PUM1: variants seen among roughly 807,000 people sequenced by gnomAD.
PUM1 encodes the protein pumilio homolog 1.
PUM1 carries 13 observed loss-of-function variants against 131.8 expected under a neutral mutation model. That is an observed-to-expected ratio of 0.10 (90% CI 0.06 to 0.16). The LOEUF is 0.16. PUM1 is among the 10% of genes least tolerant of loss of function. The pLI is 1.00. For synonymous variants in PUM1, 509 were observed against 556.5 expected, an observed-to-expected ratio of 0.91 and a Z score of 1.20; for missense variants, 961 against 1,512.4, an observed-to-expected ratio of 0.64 and a Z score of 6.05.
chr1:31,011,164 TACACACACAC>T lies in PUM1; in HGVS notation c.433-4072_433-4063del, dbSNP rs138764103. On this transcript the variant is annotated intron_variant, in intron 3 of 21. Transcript: ENST00000426105. ...CAGAGTGAGACCCTATCTCTTAAAA[TACACACACAC>T]ACACACACACACACACACACACACA... is the stretch of plus-strand genomic sequence containing the variant. 4.4e-4 allele frequency among the ~76,000 whole-genome samples: 63 copies of T among 143,074 alleles called. No individual in the cohort carries two copies. In the South Asian group the frequency reaches 6.6e-3, roughly 15 times the overall value. 93.9% of individuals were successfully genotyped at this position (143,074 alleles called of 152,430 possible).
Position 30,941,194 on chromosome 1 carries a change from T to C in PUM1, c.3199A>G (p.Ile1067Val), listed in dbSNP as rs773882189. ...PEDKSKIVAE[I>V]RGNVLVLSQH... ...CTCAATACAAGTACATTGCCTCGGATTTCTGCTACAATTTTGCTTTTATCC... is the reference window on the plus strand; with the variant it reads ...CTCAATACAAGTACATTGCCTCGGACTTCTGCTACAATTTTGCTTTTATCC... Residue 1067 changes from isoleucine (I) to valine (V), a missense_variant, in exon 20 of 22, where the codon ATC becomes GTC. Around this residue, in one of 4 missense-constraint regions of PUM1, gnomAD observed 178 missense variants for 327.5 expected, o/e 0.54. Coordinates refer to ENST00000426105, the MANE Select transcript of PUM1 (RefSeq NM_001020658.2). The C allele has an allele frequency of 6.2e-7, 1 of 1,613,770 alleles. No homozygotes were observed.
chr1:31,014,361 G>A (rs909560956), intron 3 of PUM1, among the ~76,000 whole-genome samples: 1 of 149,704 alleles, frequency 6.7e-6, no homozygotes, highest in African/African-American at 2.5e-5. Context: ...AAAAAAAGTC[G>A]AGGCTGGATG....
rs376534631 is a variant in PUM1 at position 30,932,532 on chromosome 1, C to T, written c.*679G>A. 2.8e-4 allele frequency: 42 copies of T among 151,754 alleles called. No individual in the cohort carries two copies. The highest frequency in any genetic ancestry group is 6.2e-4 in the South Asian group (3 of 4,804). 9.4% of individuals were successfully genotyped at this position (151,754 alleles called of 1,614,324 possible). ...TCTGGGTGCTCGCATCTCCTCCTCA[C>T]GAACAGCCTTCTTCAGCATAATATA... On this transcript the variant is annotated 3_prime_UTR_variant, in exon 22 of 22. Coordinates refer to ENST00000426105, the MANE Select transcript of PUM1 (RefSeq NM_001020658.2).
intron 3 of PUM1, among the ~76,000 whole-genome samples, chr1:31,011,164 TACAC>T (rs138764103): frequency 0.03 from 4,233 of 143,032 alleles, 59 homozygotes; most frequent in Non-Finnish European, 0.033. Context: ...TCTCTTAAAA[TACAC>T]ACACACACAC....
intron 2 of PUM1, among the ~76,000 whole-genome samples, chr1:31,054,847 C>T (rs757265168): frequency 3.9e-5 from 6 of 152,096 alleles, no homozygotes; most frequent in Non-Finnish European, 7.4e-5. Flanking sequence ...CTGTAATGTG[C>T]CACTTGGTTG....
chr1:31,038,993 T>A (rs1643729461), intron 2 of PUM1, among the ~76,000 whole-genome samples: 2 of 118,132 alleles, frequency 1.7e-5, no homozygotes, highest in African/African-American at 7.7e-5. Flanking sequence ...TATTTTTTTT[T>A]TTTTTTTCCT....
intron 2 of PUM1, among the ~76,000 whole-genome samples, chr1:31,038,098 G>A (rs1643674978): frequency 6.7e-6 from 1 of 149,600 alleles, no homozygotes; most frequent in African/African-American, 2.5e-5. Context: ...AAAAAACCCT[G>A]GCATCATTTA....
chr1:30,973,993 C>T (rs1246701162), intron 10 of PUM1, among the ~76,000 whole-genome samples: 1 of 151,216 alleles, frequency 6.6e-6, no homozygotes, highest in Non-Finnish European at 1.5e-5. Context: ...GAGGCTAAGG[C>T]AGGAGAACTG....
chr1:31,055,194 G>C, intron 2 of PUM1: 1 of 372,596 alleles, frequency 2.7e-6, no homozygotes. Context: ...TCCACCTAGA[G>C]ATGTGCCCCT....
chr1:30,993,632 TCACCAC>T (rs199672044), intron 6 of PUM1, among the ~76,000 whole-genome samples: 1 of 151,906 alleles, frequency 6.6e-6, no homozygotes, highest in East Asian at 1.9e-4. Flanking sequence ...ACTCACACAC[TCACCAC>T]CACCACCACC....
chr1:30,969,328 A>AAG (rs986897652), intron 10 of PUM1, among the ~76,000 whole-genome samples: 5 of 146,736 alleles, frequency 3.4e-5, no homozygotes, highest in African/African-American at 1.2e-4. Context: ...AAAAAAAAAA[A>AAG]AAAAAAAAGA....
At chr1:31,017,152 T>A (rs1189196053) in intron 3 of PUM1, among the ~76,000 whole-genome samples, 1 of 152,194 alleles carries the variant, frequency 6.6e-6, no homozygotes, top group Non-Finnish European at 1.5e-5. Context: ...ATGCACAGCC[T>A]GCATTAGCCA....
chr1:31,038,975 TATA>T (rs1557599192), intron 2 of PUM1, among the ~76,000 whole-genome samples: 3 of 36,884 alleles, frequency 8.1e-5, no homozygotes, highest in African/African-American at 4.2e-4. Context: ...TATATATATA[TATA>T]TATATATTTT....
intron 4 of PUM1, among the ~76,000 whole-genome samples, chr1:31,006,269 T>A (rs549492662): frequency 1.3e-5 from 2 of 152,324 alleles, no homozygotes; most frequent in South Asian, 4.1e-4. Flanking sequence ...CTGGTTTAAC[T>A]AGCTGAGTGG....
At chr1:30,964,611 G>C in intron 14 of PUM1, 63 bp downstream of exon 14, 2 of 1,418,750 alleles carry the variant, frequency 1.4e-6, no homozygotes, top group Non-Finnish European at 9.9e-7. Flanking sequence ...CAAAGTTCTT[G>C]TAATGTCATC....
At chr1:31,010,599 C>T (rs1642576946) in intron 3 of PUM1, among the ~76,000 whole-genome samples, 2 of 152,180 alleles carry the variant, frequency 1.3e-5, no homozygotes, top group African/African-American at 4.8e-5. Flanking sequence ...CTGAACTCTG[C>T]CTCTGCCCTG....
chr1:31,016,400 TAAAGCAA>T (rs1642817553), intron 3 of PUM1, among the ~76,000 whole-genome samples: 1 of 152,180 alleles, frequency 6.6e-6, no homozygotes, highest in Admixed American at 6.5e-5. Context: ...AATAAGTATA[TAAAGCAA>T]AGAATTTTTA....
chr1:30,945,142 G>A (rs1325529547), intron 18 of PUM1, among the ~76,000 whole-genome samples: 2 of 152,126 alleles, frequency 1.3e-5, no homozygotes, highest in African/African-American at 4.8e-5. Context: ...GCTGAGGGGG[G>A]AGGATTGCTT....
intron 2 of PUM1, among the ~76,000 whole-genome samples, chr1:31,043,808 T>C (rs1484889181): frequency 2.6e-5 from 4 of 152,128 alleles, no homozygotes; most frequent in African/African-American, 9.7e-5. Context: ...CCCAGTAAAA[T>C]GTGTGGCTTG....
Sources: allele counts gnomAD v4.1 joint callset (sites outside exome capture counted in the v4.1 genomes callset), GRCh38; gene constraint gnomAD v4.1.1; regional missense constraint gnomAD v4.1.1; transcripts MANE v1.5; gene names NCBI Gene and HGNC (gene_info 2026-07-23, HGNC 2026-07-21).